FBXW4: variants seen among roughly 807,000 people sequenced by gnomAD.
The protein encoded by FBXW4 is F-box and WD repeat domain containing 4.
Under a neutral mutation model 61.8 loss-of-function variants are expected in FBXW4, and 40 were observed. The observed-to-expected ratio is 0.65, with a 90% confidence interval of 0.50 to 0.84. The LOEUF (loss-of-function observed/expected upper bound fraction) is 0.84, where lower values mean the gene tolerates loss of function less well. Among genes scored for constraint, FBXW4 ranks in the 40% least tolerant of loss-of-function variants. The pLI, the probability that FBXW4 is intolerant of heterozygous loss-of-function variation, is 0.00. For missense variants in FBXW4, 672 were observed against 753.8 expected, an observed-to-expected ratio of 0.89 and a Z score of 1.27; for synonymous variants, 311 against 313.8, an observed-to-expected ratio of 0.99 and a Z score of 0.10.
rs1241943151 is a variant in FBXW4 at position 101,677,890 on chromosome 10, A to C, written c.726-1454T>G. Among the ~76,000 whole-genome samples, 6 of 152,226 alleles carry C rather than the reference A, an allele frequency of 3.9e-5. No individual in the cohort carries two copies. The South Asian group carries it at 6.2e-4, about 16-fold the overall frequency. ...ATATATTTTTTTCTTAAAAAAAAAA[A>C]CCCATAAACTAATATACTCTAGTCA... On this transcript the variant is annotated intron_variant, in intron 1 of 8. Coordinates refer to ENST00000331272, the MANE Select transcript of FBXW4 (RefSeq NM_022039.4).
At chr10:101,638,706 T>G (rs1468191460) in intron 5 of FBXW4, among the ~76,000 whole-genome samples, 2 of 152,220 alleles carry the variant, frequency 1.3e-5, no homozygotes, top group Admixed American at 6.5e-5. Flanking sequence ...GTGTTGCATA[T>G]TAGTAGCACA....
chr10:101,611,587 G>A lies in FBXW4; in HGVS notation c.1584+41C>T. On this transcript the variant is annotated intron_variant, in intron 8 of 8. Transcript: ENST00000331272. The surrounding 1 kb of genome is among the most constrained non-coding windows in gnomAD (Gnocchi z 4.9). ...TCTCCCAAATGCAGCCCATAATCAT[G>A]AGTCCTGGCATGCTGGAGAAGAGGT... The A allele has an allele frequency of 6.2e-7, 1 of 1,607,616 alleles. No individual in the cohort carries two copies. The highest frequency in any genetic ancestry group is 8.5e-7 in the Non-Finnish European group (1 of 1,175,326).
At chr10:101,676,993 T>G (rs2134900895) in intron 1 of FBXW4, among the ~76,000 whole-genome samples, 1 of 152,296 alleles carries the variant, frequency 6.6e-6, no homozygotes, top group Middle Eastern at 3.4e-3. Context: ...GGAGAAAAGA[T>G]TCACAGAATG....
intron 1 of FBXW4, among the ~76,000 whole-genome samples, chr10:101,685,620 C>G (rs764789245): frequency 6.6e-6 from 1 of 152,174 alleles, no homozygotes; most frequent in Non-Finnish European, 1.5e-5. Flanking sequence ...ACTGTTCAAA[C>G]AGTAACACAC....
intron 5 of FBXW4, among the ~76,000 whole-genome samples, chr10:101,636,825 G>A (rs1229035478): frequency 6.6e-6 from 1 of 151,980 alleles, no homozygotes; most frequent in African/African-American, 2.4e-5. Context: ...CTGACCTCAG[G>A]TGATCCACCT....
intron 6 of FBXW4, among the ~76,000 whole-genome samples, chr10:101,622,056 CA>C: frequency 6.9e-6 from 1 of 145,738 alleles, no homozygotes; most frequent in East Asian, 2.0e-4. Context: ...GGATGACTAT[CA>C]AAAGAGAATG....
chr10:101,673,627 G>A lies in FBXW4; in HGVS notation c.868C>T (p.Gln290Ter). The A allele has an allele frequency of 1.2e-6, 2 of 1,614,076 alleles. No homozygotes were observed. Among genetic ancestry groups the A allele is most frequent in the Non-Finnish European group, 1.7e-6 (2 of 1,179,942 alleles). ...QLEDDSLYISQANFILAYQFR... is the reference protein window; with the variant it reads ...QLEDDSLYIS ...TGGTAGGCCAGGATGAAATTAGCCT[G>A]GGATATGTACAGAGAATCATCCTCT... Residue 290 changes from glutamine to a stop codon, truncating the protein, a stop_gained, in exon 3 of 9, where the codon CAG becomes TAG. Transcript: ENST00000331272. LOFTEE classifies it high-confidence loss of function.
At chr10:101,633,362 AAC>A (rs1334836435) in intron 5 of FBXW4, among the ~76,000 whole-genome samples, 2 of 152,178 alleles carry the variant, frequency 1.3e-5, no homozygotes, top group African/African-American at 4.8e-5. Flanking sequence ...CAGAAAACCA[AAC>A]ACTGCATGTT....
At chr10:101,651,325 G>A (rs2064144070) in intron 5 of FBXW4, among the ~76,000 whole-genome samples, 1 of 151,832 alleles carries the variant, frequency 6.6e-6, no homozygotes, top group African/African-American at 2.4e-5. Flanking sequence ...CAGTGGGGTG[G>A]AGAGGGTGGG....
At chr10:101,652,220 TA>T (rs139950803) in intron 5 of FBXW4, among the ~76,000 whole-genome samples, 60 of 145,168 alleles carry the variant, frequency 4.1e-4, no homozygotes, top group East Asian at 6.0e-4. Flanking sequence ...TATATCTCTT[TA>T]AAAAAAAAAA....
At position 101,632,295 on chromosome 10, in the gene FBXW4, T is replaced by C. The variant is rs116067409; in HGVS notation, c.1236-7485A>G. 7.1e-3 allele frequency among the ~76,000 whole-genome samples: 1,083 copies of C among 152,280 alleles called. 14 individuals are homozygous for C. Among genetic ancestry groups the C allele is most frequent in the African/African-American group, 0.025 (1,030 of 41,548 alleles). Reference sequence around the variant, plus strand: ...GCAAGTAGGTGCCTAGGTCAGGCTCTGGATAGTGTCCAGAGGCTGGAGCTC... The same window carrying C: ...GCAAGTAGGTGCCTAGGTCAGGCTCCGGATAGTGTCCAGAGGCTGGAGCTC... On this transcript the variant is annotated intron_variant, in intron 5 of 8. Transcript: ENST00000331272.
chr10:101,627,529 C>T (rs1324255574), intron 5 of FBXW4, among the ~76,000 whole-genome samples: 1 of 152,164 alleles, frequency 6.6e-6, no homozygotes, highest in Non-Finnish European at 1.5e-5. Flanking sequence ...TCTTGCCCCC[C>T]ACCCCACTCC....
At chr10:101,666,398 C>T (rs1164689553) in intron 5 of FBXW4, among the ~76,000 whole-genome samples, 2 of 151,964 alleles carry the variant, frequency 1.3e-5, no homozygotes, top group Non-Finnish European at 2.9e-5. Flanking sequence ...AATGACGTGG[C>T]TAATCGGCTC....
chr10:101,676,738 G>GAAAAAAAAAAAAAA (rs2064413552), intron 1 of FBXW4: 4 of 81,112 alleles, frequency 4.9e-5, no homozygotes, highest in African/African-American at 6.5e-5. Context: ...AAAAAAAAAT[G>GAAAAAAAAAAAAAA]AAATGAATCC....
intron 6 of FBXW4, among the ~76,000 whole-genome samples, 170 bp downstream of exon 6, chr10:101,624,575 C>T (rs1192966484): frequency 6.6e-6 from 1 of 152,186 alleles, no homozygotes; most frequent in Non-Finnish European, 1.5e-5. Context: ...CAGTCTCCTC[C>T]AGCTAACCCT....
Position 101,612,451 on chromosome 10 carries a change from C to G in FBXW4, c.1328G>C (p.Ser443Thr), listed in dbSNP as rs778670881. 5.7e-6 allele frequency: 9 copies of G among 1,590,456 alleles called. No homozygotes were observed. The change falls in exon 7 of 9, where the codon AGT (serine) becomes ACT (threonine). Residue 443 changes from serine (S) to threonine (T), a missense_variant. Ser to Thr is a moderately conservative substitution (Grantham distance 58). This residue lies in a region of FBXW4 where 312 missense variants were observed against 370.1 expected (regional missense o/e 0.84). Coordinates refer to ENST00000331272, the MANE Select transcript of FBXW4 (RefSeq NM_022039.4). ...NSGQLMTHLG[S>T]DFPPGAGVLD... ...CACCCCAGCCCCTGGGGGAAAGTCA[C>G]TGCCCAAGTGTGTCATCAGCTGCCC...
chr10:101,681,760 CAGGTCTAAAGATGTTAAT>C (rs1388634184), intron 1 of FBXW4, among the ~76,000 whole-genome samples: 2 of 135,436 alleles, frequency 1.5e-5, no homozygotes, highest in African/African-American at 5.3e-5. Flanking sequence ...ATAATAATAA[CAGGTCTAAAGATGTTAAT>C]AGATGGTGCT....
chr10:101,680,933 A>C (rs752688245), intron 1 of FBXW4, among the ~76,000 whole-genome samples: 4 of 152,264 alleles, frequency 2.6e-5, no homozygotes, highest in Admixed American at 6.5e-5. Context: ...GGAGGAGAAT[A>C]GTATACTAAT....
chr10:101,630,213 G>C (rs1038467370), intron 5 of FBXW4, among the ~76,000 whole-genome samples: 1 of 152,216 alleles, frequency 6.6e-6, no homozygotes, highest in Non-Finnish European at 1.5e-5. Flanking sequence ...AGGCAGCCGA[G>C]GAAGGCTTTT....
Sources: allele counts gnomAD v4.1 joint callset (sites outside exome capture counted in the v4.1 genomes callset), GRCh38; gene constraint gnomAD v4.1.1; regional missense constraint gnomAD v4.1.1; non-coding constraint Gnocchi (gnomAD v3.1); transcripts MANE v1.5; gene names NCBI Gene and HGNC (gene_info 2026-07-23, HGNC 2026-07-21).